Variants in ADGRD1 observed in about 807,000 individuals in gnomAD.
ADGRD1 encodes the protein adhesion G protein-coupled receptor D1, also known as G-protein coupled receptor 133.
Under a neutral mutation model 113.4 loss-of-function variants are expected in ADGRD1, and 77 were observed. The ratio of observed to expected loss-of-function variants is 0.68; its 90% CI spans 0.57 to 0.82. ADGRD1 has a LOEUF of 0.82. ADGRD1 is among the 40% of genes least tolerant of loss of function. The pLI, the probability that ADGRD1 is intolerant of heterozygous loss-of-function variation, is 0.00. For synonymous variants in ADGRD1, 474 were observed against 475.0 expected, an observed-to-expected ratio of 1.00 and a Z score of 0.03; for missense variants, 1,036 against 1,139.1, an observed-to-expected ratio of 0.91 and a Z score of 1.30.
In ADGRD1 at chr12:130,984,197, C is replaced by T. The variant is rs1873352128; in HGVS notation, c.490+2134C>T. 1.3e-5 allele frequency among the ~76,000 whole-genome samples: 2 copies of T among 152,300 alleles called. No individual in the cohort carries two copies. The highest frequency in any genetic ancestry group is 4.2e-4 in the South Asian group (2 of 4,814). On this transcript the variant is annotated intron_variant, in intron 5 of 24. Transcript: ENST00000261654. This position sits in a 1 kb window ranked among gnomAD's most constrained non-coding sequence, Gnocchi z 4.1. ...AAAAATATTTGGAATGATTTACGATCATTAGTTATGATTTTATTTTAAAAT... is the reference window on the plus strand; with the variant it reads ...AAAAATATTTGGAATGATTTACGATTATTAGTTATGATTTTATTTTAAAAT...
chr12:130,960,723 A>G (rs745648866), intron 2 of ADGRD1, among the ~76,000 whole-genome samples: 2 of 152,162 alleles, frequency 1.3e-5, no homozygotes, highest in Non-Finnish European at 2.9e-5. Flanking sequence ...TGGAGGATAC[A>G]ATGTAAATAG....
At chr12:131,043,891 G>T (rs1566059315) in intron 13 of ADGRD1, among the ~76,000 whole-genome samples, 1 of 152,200 alleles carries the variant, frequency 6.6e-6, no homozygotes. Context: ...GGGATGAGTG[G>T]GAAGTGCACC....
Position 131,096,678 on chromosome 12 carries a change from C to T in ADGRD1, c.1672-8153C>T, listed in dbSNP as rs568377002. On this transcript the variant is annotated intron_variant, in intron 15 of 24. Coordinates refer to ENST00000261654, the MANE Select transcript of ADGRD1 (RefSeq NM_198827.5). This position sits in a 1 kb window ranked among gnomAD's most constrained non-coding sequence, Gnocchi z 5.2. ...AGGATGGGTTCCCGTGGGGCACTGC[C>T]GGTCCAGTTTTATATCCCGCCTCCA... Among the ~76,000 whole-genome samples, 7 of 151,590 alleles carry T rather than the reference C, an allele frequency of 4.6e-5. No homozygotes were observed. The highest frequency in any genetic ancestry group is 3.4e-3 in the Middle Eastern group (1 of 294).
In ADGRD1 at chr12:131,136,177, G is replaced by C. The variant is rs752861201; in HGVS notation, c.2394+14G>C. The stretch of plus-strand genomic sequence containing the variant: ...AACTCCCTGCAGGTGAGAGCCGCGG[G>C]GACTGGCGGGGAGGCAGGGCCGCCA... On this transcript the variant is annotated intron_variant, in intron 22 of 24. Transcript: ENST00000261654. The C allele has an allele frequency of 2.5e-6, 4 of 1,613,350 alleles. No individual in the cohort carries two copies. The Admixed American group carries it at 5.0e-5, about 20-fold the overall frequency.
In ADGRD1 at chr12:131,062,242, C is replaced by T. The variant is rs192878181; in HGVS notation, c.1474-14559C>T. ...ACTCCTGACCTTGTGATCCGCTTGC[C>T]TTGGCCTCCCAAAGTGCTGGGATTA... On this transcript the variant is annotated intron_variant, in intron 13 of 24. Transcript: ENST00000261654. Among the ~76,000 whole-genome samples the T allele has an allele frequency of 1.9e-3, 292 of 152,298 alleles. 1 individual carries two copies. The highest frequency in any genetic ancestry group is 2.4e-3 in the Non-Finnish European group (164 of 68,038).
chr12:131,080,789 T>G (rs1886006758), intron 14 of ADGRD1, among the ~76,000 whole-genome samples: 2 of 152,040 alleles, frequency 1.3e-5, no homozygotes, highest in South Asian at 4.2e-4. Context: ...CCCGGCTAAT[T>G]TTTTGTATTT....
At chr12:131,081,024 C>T (rs1283318021) in intron 14 of ADGRD1, among the ~76,000 whole-genome samples, 2 of 152,178 alleles carry the variant, frequency 1.3e-5, no homozygotes, top group African/African-American at 4.8e-5. Context: ...TTTATCATTA[C>T]ATAATGTCCC....
chr12:131,081,030 G>C (rs535265476), intron 14 of ADGRD1, among the ~76,000 whole-genome samples: 3 of 152,240 alleles, frequency 2.0e-5, no homozygotes, highest in African/African-American at 4.8e-5. Flanking sequence ...ATTACATAAT[G>C]TCCCTCTTTA....
chr12:130,994,701 T>A (rs1874994153), intron 8 of ADGRD1, among the ~76,000 whole-genome samples: 1 of 152,250 alleles, frequency 6.6e-6, no homozygotes, highest in African/African-American at 2.4e-5. Context: ...AATGGATGGC[T>A]TAATGAGCCA....
At chr12:131,048,556 A>T (rs1336604081) in intron 13 of ADGRD1, among the ~76,000 whole-genome samples, 1 of 152,108 alleles carries the variant, frequency 6.6e-6, no homozygotes, top group Admixed American at 6.5e-5. Flanking sequence ...GTCTCTGGTG[A>T]TCCGGGGCTC....
chr12:131,114,509 G>A (rs576971074), intron 18 of ADGRD1, among the ~76,000 whole-genome samples: 50 of 152,108 alleles, frequency 3.3e-4, no homozygotes, highest in Non-Finnish European at 6.0e-4. Flanking sequence ...AGGAGCCCAA[G>A]AACTGTGTCT....
At chr12:130,961,322 C>T (rs1798767777) in intron 2 of ADGRD1, among the ~76,000 whole-genome samples, 1 of 152,206 alleles carries the variant, frequency 6.6e-6, no homozygotes, top group African/African-American at 2.4e-5. Flanking sequence ...CTTAATAAAA[C>T]ATTACATATG....
chr12:131,114,589 C>T (rs534908880), intron 18 of ADGRD1, among the ~76,000 whole-genome samples: 4 of 152,168 alleles, frequency 2.6e-5, no homozygotes, highest in Non-Finnish European at 5.9e-5. Context: ...TGGGCTCTCT[C>T]GACCTTCAGT....
chr12:131,025,604 ACGATCT>A, intron 13 of ADGRD1: 1 of 150,114 alleles, frequency 6.7e-6, no homozygotes, highest in Middle Eastern at 3.4e-3. Flanking sequence ...GTGCAATGGC[ACGATCT>A]CGGCTCACTG....
intron 9 of ADGRD1, chr12:131,002,920 C>A: frequency 1.2e-6 from 1 of 815,194 alleles, no homozygotes; most frequent in Non-Finnish European, 1.8e-6. Context: ...TCCCCTCAGT[C>A]CCCGTGTCTA....
At position 130,954,485 on chromosome 12, in the gene ADGRD1, T is replaced by C. The variant is rs773660362; in HGVS notation, c.20T>C (p.Leu7Pro). The C allele has an allele frequency of 1.3e-6, 2 of 1,560,614 alleles. No homozygotes were observed. Among genetic ancestry groups the C allele is most frequent in the South Asian group, 1.2e-5 (1 of 82,598 alleles). Residue 7 changes from leucine to proline, a missense_variant, in exon 1 of 25, where the codon CTG (leucine) becomes CCG (proline). Physicochemically the swap from Leu to Pro is moderately conservative, Grantham distance 98. Coordinates refer to ENST00000261654, the MANE Select transcript of ADGRD1 (RefSeq NM_198827.5). The surrounding 1 kb of genome is among the most constrained non-coding windows in gnomAD (Gnocchi z 4.7). ...AGAGCCATGGAAAAGCTGCTGCGGC[T>C]GTGCTGCTGGTACTCCTGGCTGCTG... MEKLLR[L>P]CCWYSWLLLF...
At chr12:131,118,198 T>G (rs1233812435) in intron 18 of ADGRD1, among the ~76,000 whole-genome samples, 187 bp from the exon 19 acceptor site, 2 of 152,208 alleles carry the variant, frequency 1.3e-5, no homozygotes, top group East Asian at 3.8e-4. Flanking sequence ...TGTTATTCCT[T>G]TGTTTAGACT....
intron 13 of ADGRD1, among the ~76,000 whole-genome samples, chr12:131,021,429 C>G (rs141542494): frequency 2.6e-5 from 4 of 152,102 alleles, no homozygotes; most frequent in Admixed American, 2.6e-4. Context: ...GGTCACTGTC[C>G]GATGCTTCCT....
Position 131,102,239 on chromosome 12 carries a change from C to T in ADGRD1, c.1672-2592C>T, listed in dbSNP as rs1950104410. Among the ~76,000 whole-genome samples, 3 of 152,344 alleles carry T rather than the reference C, an allele frequency of 2.0e-5. No individual in the cohort carries two copies. In the South Asian group the frequency reaches 6.2e-4, roughly 32 times the overall value. On this transcript the variant is annotated intron_variant, in intron 15 of 24. Transcript: ENST00000261654. The stretch of plus-strand genomic sequence containing the variant: ...GAATGTGGCCTAGAAACTGAGTTCC[C>T]TTCACCCACCGCGGCTATGCGATTA...
Sources: gnomAD v4.1 joint callset for allele counts (sites outside exome capture counted in the v4.1 genomes callset) on GRCh38, gnomAD v4.1.1 for gene constraint, Gnocchi (gnomAD v3.1) non-coding constraint, MANE v1.5 for transcripts, NCBI Gene and HGNC (gene_info 2026-07-23, HGNC 2026-07-21) for gene names.